CNOT8: variants seen among roughly 807,000 people sequenced by gnomAD.
CNOT8 encodes CCR4-NOT transcription complex subunit 8, also known as CAF1-like protein.
Under a neutral mutation model 34.6 loss-of-function variants are expected in CNOT8, and 18 were observed. The observed-to-expected ratio is 0.52, with a 90% CI of 0.36 to 0.77. CNOT8 has a LOEUF of 0.77. Ranked by LOEUF, CNOT8 falls within the 30% of genes least tolerant of loss-of-function variation. The pLI, the probability that CNOT8 is intolerant of heterozygous loss-of-function variation, is 0.00. For synonymous variants in CNOT8, 101 were observed against 118.8 expected, an observed-to-expected ratio of 0.85 and a Z score of 0.98; for missense variants, 189 against 347.9, an observed-to-expected ratio of 0.54 and a Z score of 3.63.
intron 2 of CNOT8, among the ~76,000 whole-genome samples, chr5:154,864,346 G>A (rs2087080106): frequency 6.6e-6 from 1 of 151,996 alleles, no homozygotes; most frequent in African/African-American, 2.4e-5. Flanking sequence ...TGTAGTCCCA[G>A]CTACTCGGGA....
At chr5:154,863,760 G>C (rs760454999) in intron 2 of CNOT8, among the ~76,000 whole-genome samples, 12 of 152,282 alleles carry the variant, frequency 7.9e-5, no homozygotes, top group Middle Eastern at 6.8e-3. Context: ...GTAACCTCTA[G>C]TATCTTAGAT....
At chr5:154,872,689 G>C (rs745342721) in intron 6 of CNOT8, 38 bp downstream of exon 6, 1 of 1,326,388 alleles carries the variant, frequency 7.5e-7, no homozygotes, top group Non-Finnish European at 1.1e-6. Context: ...CCTCTCGGCA[G>C]TAACTTGCTG....
chr5:154,860,866 T>C lies in CNOT8; in HGVS notation c.-73+2098T>C, dbSNP rs558651185. Among the ~76,000 whole-genome samples, 5 of 152,316 alleles carry C rather than the reference T, an allele frequency of 3.3e-5. No individual in the cohort carries two copies. In the South Asian group the frequency reaches 1.0e-3, roughly 32 times the overall value. On this transcript the variant is annotated intron_variant, in intron 1 of 6. Coordinates refer to ENST00000285896, the MANE Select transcript of CNOT8 (RefSeq NM_001301073.2). Reference sequence around the variant, plus strand: ...GATATGTATAACAGTGGTTAGCTTTTTAAAAACCAATTCTCTTTTAAATGG... The same window carrying C: ...GATATGTATAACAGTGGTTAGCTTTCTAAAAACCAATTCTCTTTTAAATGG...
intron 3 of CNOT8, among the ~76,000 whole-genome samples, chr5:154,867,525 C>T (rs544584591): frequency 6.6e-6 from 1 of 152,154 alleles, no homozygotes; most frequent in East Asian, 1.9e-4. Context: ...ATTGTTTGAA[C>T]CATTAGCAGG....
intron 1 of CNOT8, among the ~76,000 whole-genome samples, chr5:154,860,406 A>G (rs528044657): frequency 1.3e-5 from 2 of 152,136 alleles, no homozygotes; most frequent in Non-Finnish European, 2.9e-5. Flanking sequence ...CCTGGGGCTC[A>G]AGTGATCCTC....
Position 154,875,292 on chromosome 5 carries a change from GTTTT to G in CNOT8, c.735_738del (p.Phe245LeufsTer17). On this transcript the variant is annotated frameshift_variant, in exon 7 of 7. Transcript: ENST00000285896. LOFTEE classifies it high-confidence loss of function. ...TGGTTCTCTGTCCCATTCTGCAGTT[GTTTT>G]TTGAGGACAGCATTGATGATGCCAA... 1 of 1,613,988 alleles carries G rather than the reference GTTTT, an allele frequency of 6.2e-7. No individual in the cohort carries two copies. Among genetic ancestry groups the G allele is most frequent in the Non-Finnish European group, 8.5e-7 (1 of 1,179,970 alleles).
chr5:154,859,923 C>T (rs1443593181), intron 1 of CNOT8: 1 of 152,078 alleles, frequency 6.6e-6, no homozygotes, highest in Non-Finnish European at 1.5e-5. Flanking sequence ...TTCTGTGTAG[C>T]TCATGTGGGA....
At position 154,863,240 on chromosome 5, in the gene CNOT8, A is replaced by T. The variant is rs928598478; in HGVS notation, c.-39A>T. 1 of 1,450,124 alleles carries T rather than the reference A, an allele frequency of 6.9e-7. No individual in the cohort carries two copies. The highest frequency in any genetic ancestry group is 9.7e-7 in the Non-Finnish European group (1 of 1,030,492). The allele number at this position is 1,450,124 out of a possible 1,614,324, so 89.8% of individuals were successfully genotyped here. ...AAACATTGTCTGGCTTGCACTGTAA[A>T]ACTAGTTAGCTGAAGACGACTTCTC... On this transcript the variant is annotated 5_prime_UTR_variant, in exon 2 of 7. Coordinates refer to ENST00000285896, the MANE Select transcript of CNOT8 (RefSeq NM_001301073.2).
At chr5:154,871,173 CT>C (rs1182805918) in intron 4 of CNOT8, among the ~76,000 whole-genome samples, 2 of 152,220 alleles carry the variant, frequency 1.3e-5, no homozygotes, top group Middle Eastern at 3.4e-3. Context: ...CTTCTCAGTA[CT>C]TTTGGATTTT....
chr5:154,870,890 A>C, intron 4 of CNOT8, 68 bp downstream of exon 4: 1 of 1,431,622 alleles, frequency 7.0e-7, no homozygotes, highest in Non-Finnish European at 9.6e-7. Context: ...TTGAATTCTT[A>C]GTCATTTTTG....
chr5:154,861,531 T>C (rs1380632881), intron 1 of CNOT8, among the ~76,000 whole-genome samples: 4 of 152,224 alleles, frequency 2.6e-5, no homozygotes, highest in Admixed American at 1.3e-4. Context: ...ATCTTGAAAA[T>C]AGGAAGCAAA....
Position 154,864,723 on chromosome 5 carries a change from T to G in CNOT8, c.118-469T>G, listed in dbSNP as rs555581516. ...GTTGTGCAAAGCTTCATGATTTTAG[T>G]GCTTCTTCAGTAGATACCAACAAGA... On this transcript the variant is annotated intron_variant, in intron 2 of 6. Coordinates refer to ENST00000285896, the MANE Select transcript of CNOT8 (RefSeq NM_001301073.2). Among the ~76,000 whole-genome samples, 11 of 152,332 alleles carry G rather than the reference T, an allele frequency of 7.2e-5. No individual in the cohort carries two copies. The South Asian group carries it at 2.3e-3, about 32-fold the overall frequency.
intron 6 of CNOT8, among the ~76,000 whole-genome samples, chr5:154,872,897 T>C (rs1020508216): frequency 4.6e-5 from 7 of 152,158 alleles, no homozygotes; most frequent in African/African-American, 1.7e-4. Context: ...GCCTCCTGAG[T>C]AGCTGGGATT....
Position 154,871,713 on chromosome 5 carries a change from G to A in CNOT8, c.474-17G>A. The A allele has an allele frequency of 6.2e-7, 1 of 1,612,996 alleles. No individual in the cohort carries two copies. The highest frequency in any genetic ancestry group is 8.5e-7 in the Non-Finnish European group (1 of 1,179,442). ...TAACCACTGCTTTTTTAACCTCTGT[G>A]GTTTATTCTCTTGTAGTGGCTATGA... On this transcript the variant is annotated splice_polypyrimidine_tract_variant and intron_variant, in intron 4 of 6. Transcript: ENST00000285896.
intron 2 of CNOT8, among the ~76,000 whole-genome samples, chr5:154,864,086 C>T (rs910815188): frequency 1.3e-5 from 2 of 152,100 alleles, no homozygotes; most frequent in African/African-American, 4.8e-5. Flanking sequence ...ACTCCAGTCC[C>T]GATTACTTGT....
intron 2 of CNOT8, 59 bp downstream of exon 2, chr5:154,863,454 T>G (rs1231022100): frequency 2.4e-6 from 3 of 1,275,098 alleles, no homozygotes; most frequent in Non-Finnish European, 3.4e-6. Context: ...GGTCTTGCTC[T>G]GTTGCCCAGG....
intron 3 of CNOT8, 88 bp from the exon 4 acceptor site, chr5:154,870,573 T>C: frequency 1.0e-6 from 1 of 980,574 alleles, no homozygotes; most frequent in Non-Finnish European, 1.5e-6. Flanking sequence ...AAAATACTTG[T>C]ACTATAATTA....
Position 154,858,655 on chromosome 5 carries a change from G to A in CNOT8, c.-186G>A, listed in dbSNP as rs376917949. 6.6e-6 allele frequency: 1 copy of A among 152,218 alleles called. No individual in the cohort carries two copies. The highest frequency in any genetic ancestry group is 2.4e-5 in the African/African-American group (1 of 41,432). The allele number at this position is 152,218 out of a possible 1,614,324, so 9.4% of individuals were successfully genotyped here. A position where few individuals can be genotyped will look rare whatever the true frequency, so the allele number is the denominator to read the frequency against. ...CGGTTCTAGGAGCAGATCCGGGGTA[G>A]AGGGAAAAGAGCTCCGGGCCAGGGG... is the stretch of plus-strand genomic sequence containing the variant. On this transcript the variant is annotated 5_prime_UTR_variant, in exon 1 of 7. Transcript: ENST00000285896.
intron 1 of CNOT8, chr5:154,859,724 T>G (rs1010847881): frequency 1.3e-5 from 2 of 152,254 alleles, no homozygotes; most frequent in Non-Finnish European, 2.9e-5. Context: ...AAAACTTTCC[T>G]GTGGCTTTAT....
Sources: allele counts gnomAD v4.1 joint callset (sites outside exome capture counted in the v4.1 genomes callset), GRCh38; gene constraint gnomAD v4.1.1; transcripts MANE v1.5; gene names NCBI Gene and HGNC (gene_info 2026-07-23, HGNC 2026-07-21).